The following RPS6KA1 variants were observed in gnomAD, a reference collection of about 807,000 sequenced individuals.
RPS6KA1 encodes ribosomal protein S6 kinase A1, also known as ribosomal protein S6 kinase alpha-1.
In RPS6KA1, 48 loss-of-function variants were observed where a neutral mutation model predicts 91.3. The observed-to-expected ratio is 0.53, with a 90% CI of 0.42 to 0.67. RPS6KA1 has a LOEUF of 0.67. Among genes scored for constraint, RPS6KA1 ranks in the 30% least tolerant of loss-of-function variants. RPS6KA1 has a pLI of 0.00. For synonymous variants in RPS6KA1, 359 were observed against 384.7 expected, an observed-to-expected ratio of 0.93 and a Z score of 0.78; for missense variants, 719 against 960.5, an observed-to-expected ratio of 0.75 and a Z score of 3.32.
intron 14 of RPS6KA1, among the ~76,000 whole-genome samples, chr1:26,559,452 C>T (rs1404010720): frequency 1.3e-5 from 2 of 152,020 alleles, no homozygotes; most frequent in Admixed American, 6.5e-5. Context: ...CTACAGCCTC[C>T]ACCTCCCAGG....
chr1:26,561,551 G>A lies in RPS6KA1; in HGVS notation c.1478G>A (p.Arg493Gln), dbSNP rs780511938. ...GTGTACCTGGTGACAGAGCTGATGC[G>A]GGGTGGGGAGCTGCTGGACAAGATC... The part of the protein sequence containing the change: ...KHVYLVTELM[R>Q]GGELLDKILR... The change falls in exon 17 of 22, where the codon CGG (arginine) becomes CAG (glutamine). Residue 493 changes from arginine to glutamine, a missense_variant. By Grantham distance (43) the Arg-to-Gln change is conservative. Transcript: ENST00000374168. The surrounding 1 kb of genome is among the most constrained non-coding windows in gnomAD (Gnocchi z 5.7). The A allele has an allele frequency of 6.8e-6, 11 of 1,614,044 alleles. No individual in the cohort carries two copies. Among genetic ancestry groups the A allele is most frequent in the Admixed American group, 6.7e-5 (4 of 60,008 alleles).
At chr1:26,568,213 T>C (rs947138071) in intron 17 of RPS6KA1, among the ~76,000 whole-genome samples, 21 of 152,356 alleles carry the variant, frequency 1.4e-4, no homozygotes, top group African/African-American at 4.8e-4. Context: ...CCACTCTGCC[T>C]GGCTTCACTC....
At chr1:26,563,849 A>G (rs568879234) in intron 17 of RPS6KA1, among the ~76,000 whole-genome samples, 1 of 152,294 alleles carries the variant, frequency 6.6e-6, no homozygotes, top group African/African-American at 2.4e-5. Flanking sequence ...TGGGCTGAGC[A>G]TGGTGGCTTA....
chr1:26,554,609 C>G lies in RPS6KA1; in HGVS notation c.627C>G (p.Ser209Arg). 6.2e-7 allele frequency: 1 copy of G among 1,612,802 alleles called. No homozygotes were observed. The change falls in exon 9 of 22, where the codon AGC (serine) becomes AGG (arginine). Residue 209 changes from serine to arginine, a missense_variant. Ser to Arg is a moderately radical substitution (Grantham distance 110). This residue lies in a region of RPS6KA1 where 159 missense variants were observed against 264.5 expected (regional missense o/e 0.60). Transcript: ENST00000374168. This position sits in a 1 kb window ranked among gnomAD's most constrained non-coding sequence, Gnocchi z 4.6. ...GHIKLTDFGL[S>R]KEAIDHEKKA... The stretch of plus-strand genomic sequence containing the variant: ...TCCTTGCTGTAGACTTTGGCCTGAG[C>G]AAAGAGGCCATTGACCACGAGAAGA...
In RPS6KA1 at chr1:26,572,239, T is replaced by A; in HGVS notation, c.1893T>A (p.Ser631Arg). Residue 631 changes from serine (S) to arginine (R), a missense_variant, in exon 20 of 22, where the codon AGT becomes AGA. By Grantham distance (110) the Ser-to-Arg change is moderately radical. Transcript: ENST00000374168. ...AGGAAATCCTAACCCGGATCGGCAG[T>A]GGGAAGTTTACCCTCAGTGGGGGAA... ...TPEEILTRIGSGKFTLSGGNW... is the reference protein window; with the variant it reads ...TPEEILTRIGRGKFTLSGGNW... 6.2e-7 allele frequency: 1 copy of A among 1,613,808 alleles called. No individual in the cohort carries two copies. Among genetic ancestry groups the A allele is most frequent in the Non-Finnish European group, 8.5e-7 (1 of 1,179,962 alleles).
chr1:26,538,997 A>G (rs1005414758), intron 2 of RPS6KA1, among the ~76,000 whole-genome samples: 2 of 152,196 alleles, frequency 1.3e-5, no homozygotes, highest in Non-Finnish European at 2.9e-5. Context: ...GGAGGGCCTA[A>G]AATGAAGTCA....
At chr1:26,560,014 C>T (rs1290930558) in intron 14 of RPS6KA1, among the ~76,000 whole-genome samples, 1 of 152,110 alleles carries the variant, frequency 6.6e-6, no homozygotes, top group African/African-American at 2.4e-5. Context: ...GAGCTGAGAA[C>T]GTACCACTGC....
At chr1:26,569,297 T>C (rs778828374) in intron 17 of RPS6KA1, among the ~76,000 whole-genome samples, 31 of 152,146 alleles carry the variant, frequency 2.0e-4, no homozygotes, top group Non-Finnish European at 4.1e-4. Context: ...CTGGTAACAT[T>C]CTTTGTAAAC....
chr1:26,548,132 GTATCC>G (rs1228378174), intron 4 of RPS6KA1, among the ~76,000 whole-genome samples: 4 of 152,140 alleles, frequency 2.6e-5, no homozygotes, highest in Non-Finnish European at 5.9e-5. Context: ...GGTGGCTTTG[GTATCC>G]TAAGGCCAGC....
Position 26,546,972 on chromosome 1 carries a change from T to G in RPS6KA1, c.214T>G (p.Ser72Ala), listed in dbSNP as rs1448044472. The G allele has an allele frequency of 4.3e-6, 7 of 1,613,798 alleles. No homozygotes were observed. The East Asian group carries it at 1.6e-4, about 36-fold the overall frequency. ...FELLKVLGQG[S>A]FGKVFLVRKV... ...GCTCCTCAAGGTTCTGGGCCAGGGA[T>G]CCTTTGGCAAAGTGAGTCATGAGCC... is the stretch of plus-strand genomic sequence containing the variant. The change falls in exon 3 of 22, where the codon TCC becomes GCC. Residue 72 changes from serine (S) to alanine (A), a missense_variant. By Grantham distance (99) the Ser-to-Ala change is moderately conservative (BLOSUM62 1). Coordinates refer to ENST00000374168, the MANE Select transcript of RPS6KA1 (RefSeq NM_002953.4).
At position 26,555,283 on chromosome 1, in the gene RPS6KA1, G is replaced by A. The variant is rs2076090136; in HGVS notation, c.827+62G>A. 5.3e-6 allele frequency: 8 copies of A among 1,522,030 alleles called. No homozygotes were observed. The highest frequency in any genetic ancestry group is 7.3e-6 in the Non-Finnish European group (8 of 1,099,288). The allele number at this position is 1,522,030 out of a possible 1,614,324, so 94.3% of individuals were successfully genotyped here. ...TCCAAGCCCCAGCCCCAGTTTGGGG[G>A]TCAGAATATTATTACCCTGTCCCTG... is the stretch of plus-strand genomic sequence containing the variant. On this transcript the variant is annotated intron_variant, in intron 10 of 21. Coordinates refer to ENST00000374168, the MANE Select transcript of RPS6KA1 (RefSeq NM_002953.4). This position sits in a 1 kb window ranked among gnomAD's most constrained non-coding sequence, Gnocchi z 4.3.
intron 7 of RPS6KA1, chr1:26,553,844 G>A (rs1183809388): frequency 3.9e-6 from 1 of 259,624 alleles, no homozygotes; most frequent in Non-Finnish European, 7.3e-6. Context: ...CCAGGGGCAG[G>A]TGGTGAGTTG....
rs1261501328 is a variant in RPS6KA1 at position 26,546,966 on chromosome 1, C to T, written c.208C>T (p.Gln70Ter). 1 of 1,613,938 alleles carries T rather than the reference C, an allele frequency of 6.2e-7. No individual in the cohort carries two copies. Among genetic ancestry groups the T allele is most frequent in the Non-Finnish European group, 8.5e-7 (1 of 1,179,858 alleles). The change falls in exon 3 of 22, where the codon CAG (glutamine) becomes TAG (stop). Residue 70 changes from glutamine to a stop codon, truncating the protein, a stop_gained. Transcript: ENST00000374168. LOFTEE classifies it high-confidence loss of function. ...TTTCGAGCTCCTCAAGGTTCTGGGC[C>T]AGGGATCCTTTGGCAAAGTGAGTCA... is the stretch of plus-strand genomic sequence containing the variant. ...SHFELLKVLG[Q>*]GSFGKVFLVR... is the part of the protein sequence containing the mutation.
intron 1 of RPS6KA1, chr1:26,531,507 C>T (rs2075867500): frequency 6.6e-6 from 1 of 152,172 alleles, no homozygotes; most frequent in Non-Finnish European, 1.5e-5. Context: ...GAGCTCGATC[C>T]TGGGGCACCA....
At chr1:26,532,288 C>T (rs7519756) in intron 1 of RPS6KA1, among the ~76,000 whole-genome samples, 136,017 of 152,242 alleles carry the variant, frequency 0.89, 61,451 homozygotes, top group Non-Finnish European at 0.96. Context: ...GTGCCACCCA[C>T]TCTGCCTTAC....
intron 21 of RPS6KA1, among the ~76,000 whole-genome samples, chr1:26,573,853 G>A (rs140688725): frequency 0.014 from 2,093 of 151,992 alleles, 18 homozygotes; most frequent in African/African-American, 0.036. Flanking sequence ...CAGGAGAATC[G>A]CTTGAACCCT....
At position 26,551,767 on chromosome 1, in the gene RPS6KA1, G is replaced by C. The variant is rs2076052681; in HGVS notation, c.468+44G>C. 1 of 1,516,934 alleles carries C rather than the reference G, an allele frequency of 6.6e-7. No individual in the cohort carries two copies. The highest frequency in any genetic ancestry group is 1.7e-5 in the Admixed American group (1 of 59,782). 94.0% of individuals were successfully genotyped at this position (1,516,934 alleles called of 1,614,324 possible). A position where few individuals can be genotyped will look rare whatever the true frequency, so the allele number is the denominator to read the frequency against. ...CCAGAGGGCCCCGGGATGGAGCTGA[G>C]GGACGACAAGTCCTCCCATCCCAGG... On this transcript the variant is annotated intron_variant, in intron 6 of 21. Coordinates refer to ENST00000374168, the MANE Select transcript of RPS6KA1 (RefSeq NM_002953.4). This position sits in a 1 kb window ranked among gnomAD's most constrained non-coding sequence, Gnocchi z 4.5.
chr1:26,552,648 G>C (rs1177292983), intron 6 of RPS6KA1, among the ~76,000 whole-genome samples: 1 of 151,330 alleles, frequency 6.6e-6, no homozygotes, highest in Non-Finnish European at 1.5e-5. Context: ...CACCACGCCT[G>C]GTTAATTTTT....
At chr1:26,536,762 C>T in intron 1 of RPS6KA1, among the ~76,000 whole-genome samples, 163 bp from the exon 2 acceptor site, 1 of 152,246 alleles carries the variant, frequency 6.6e-6, no homozygotes, top group East Asian at 1.9e-4. Flanking sequence ...CCTGTGCCTA[C>T]ACCATGAAAG....
Sources: gnomAD v4.1 joint callset for allele counts (sites outside exome capture counted in the v4.1 genomes callset) on GRCh38, gnomAD v4.1.1 for gene constraint, gnomAD v4.1.1 regional missense constraint, Gnocchi (gnomAD v3.1) non-coding constraint, MANE v1.5 for transcripts, NCBI Gene and HGNC (gene_info 2026-07-23, HGNC 2026-07-21) for gene names.